The following CPNE4 variants were observed in gnomAD, a reference collection of about 807,000 sequenced individuals.
CPNE4 encodes the protein copine 4, also known as copine-4.
A neutral mutation model predicts 67.9 loss-of-function variants in CPNE4; 25 were observed. The ratio of observed to expected loss-of-function variants is 0.37; its 90% confidence interval spans 0.27 to 0.51. The LOEUF is 0.51. Among genes scored for constraint, CPNE4 ranks in the 20% least tolerant of loss-of-function variants. The pLI is 0.93. For missense variants in CPNE4, 464 were observed against 690.8 expected, an observed-to-expected ratio of 0.67 and a Z score of 3.68; for synonymous variants, 242 against 244.9, an observed-to-expected ratio of 0.99 and a Z score of 0.11.
chr3:132,029,368 A>G (rs2074189175), intron 1 of CPNE4, among the ~76,000 whole-genome samples: 1 of 151,998 alleles, frequency 6.6e-6, no homozygotes, highest in Non-Finnish European at 1.5e-5. Context: ...ACCTGAGAAA[A>G]CCAATATCCC....
intron 2 of CPNE4, among the ~76,000 whole-genome samples, chr3:131,752,778 C>A (rs1163800149): frequency 6.6e-6 from 1 of 151,964 alleles, no homozygotes. Flanking sequence ...GCAAATCATA[C>A]CAAGATTTTG....
At chr3:131,802,085 C>G (rs1272008483) in intron 2 of CPNE4, among the ~76,000 whole-genome samples, 1 of 151,964 alleles carries the variant, frequency 6.6e-6, no homozygotes, top group Non-Finnish European at 1.5e-5. Flanking sequence ...CAGAACATGA[C>G]CAGAAGGACT....
chr3:131,953,508 G>C (rs2071842921), intron 1 of CPNE4, among the ~76,000 whole-genome samples: 1 of 152,102 alleles, frequency 6.6e-6, no homozygotes, highest in Non-Finnish European at 1.5e-5. Flanking sequence ...ATGTTGATAG[G>C]ATATATCATA....
chr3:131,746,356 A>G (rs1278031653), intron 2 of CPNE4, among the ~76,000 whole-genome samples: 2 of 152,138 alleles, frequency 1.3e-5, no homozygotes, highest in Non-Finnish European at 2.9e-5. Context: ...ACCGTACAAT[A>G]AAACAGCAGA....
At chr3:131,666,817 C>T (rs561752001) in intron 7 of CPNE4, among the ~76,000 whole-genome samples, 9 of 152,012 alleles carry the variant, frequency 5.9e-5, no homozygotes, top group South Asian at 2.1e-4. Flanking sequence ...AAAAGGGGAG[C>T]GAGAACGAAC....
At chr3:131,774,237 G>C (rs1249274774) in intron 2 of CPNE4, among the ~76,000 whole-genome samples, 1 of 151,910 alleles carries the variant, frequency 6.6e-6, no homozygotes, top group Non-Finnish European at 1.5e-5. Context: ...GTCAGTGACT[G>C]ATTTAGAGAT....
rs1431688095 is a variant in CPNE4 at position 131,992,618 on chromosome 3, G to A, written c.-2+41949C>T. Among the ~76,000 whole-genome samples, 4 of 135,914 alleles carry A rather than the reference G, an allele frequency of 2.9e-5. 1 individual carries two copies. The highest frequency in any genetic ancestry group is 4.9e-5 in the African/African-American group (2 of 40,588). The allele number at this position is 135,914 out of a possible 152,430, so 89.2% of individuals were successfully genotyped here. A position where few individuals can be genotyped will look rare whatever the true frequency, so the allele number is the denominator to read the frequency against. The stretch of plus-strand genomic sequence containing the variant: ...ATGAGCTAAGACATGGGGGACTGTT[G>A]GAAAGGCATGATTGTGTTTTGAAAT... On this transcript the variant is annotated intron_variant, in intron 1 of 15. Coordinates refer to ENST00000429747, the MANE Select transcript of CPNE4 (RefSeq NM_130808.3).
chr3:132,001,603 G>GAAAGAAAGAAAGA (rs2073450086), intron 1 of CPNE4, among the ~76,000 whole-genome samples: 1 of 148,980 alleles, frequency 6.7e-6, no homozygotes, highest in East Asian at 2.0e-4. Context: ...AAGAAAGAAA[G>GAAAGAAAGAAAGA]AAAGAAAGAA....
chr3:132,008,093 C>T (rs752221175), intron 1 of CPNE4, among the ~76,000 whole-genome samples: 12 of 151,980 alleles, frequency 7.9e-5, no homozygotes, highest in South Asian at 2.1e-4. Context: ...AAATGTGGAA[C>T]GAATGAAAAG....
In CPNE4 at chr3:131,886,223, G is replaced by T. The variant is rs191992573; in HGVS notation, c.180+19041C>A. On this transcript the variant is annotated intron_variant, in intron 2 of 15. Transcript: ENST00000429747. ...CAGCTGCTCCAGCCGTGGCTGAAAG[G>T]GGCCAATGTGGAGCTTGGAATTCAA... is the stretch of plus-strand genomic sequence containing the variant. Among the ~76,000 whole-genome samples the T allele has an allele frequency of 1.5e-3, 224 of 152,338 alleles. 1 individual carries two copies. The highest frequency in any genetic ancestry group is 5.2e-3 in the African/African-American group (216 of 41,576).
intron 7 of CPNE4, among the ~76,000 whole-genome samples, chr3:131,618,786 G>C (rs1940304372): frequency 6.6e-6 from 1 of 152,114 alleles, no homozygotes; most frequent in Non-Finnish European, 1.5e-5. Flanking sequence ...AGAAGCAGAG[G>C]TCCCCATTCC....
chr3:131,561,287 G>T (rs1559899274), intron 11 of CPNE4, among the ~76,000 whole-genome samples: 1 of 151,966 alleles, frequency 6.6e-6, no homozygotes, highest in Non-Finnish European at 1.5e-5. Flanking sequence ...AGACTAGGGA[G>T]ACCAGGATAC....
Position 131,879,338 on chromosome 3 carries a change from C to T in CPNE4, c.180+25926G>A, listed in dbSNP as rs547792585. On this transcript the variant is annotated intron_variant, in intron 2 of 15. Transcript: ENST00000429747. ...AGTGTGTTTCCATTAATGACTTTTTCCCTAAGCTTCTCTATCCTTCCCCAA... is the reference window on the plus strand; with the variant it reads ...AGTGTGTTTCCATTAATGACTTTTTTCCTAAGCTTCTCTATCCTTCCCCAA... 2.0e-5 allele frequency among the ~76,000 whole-genome samples: 3 copies of T among 152,268 alleles called. No homozygotes were observed. The East Asian group carries it at 5.8e-4, about 29-fold the overall frequency.
intron 1 of CPNE4, among the ~76,000 whole-genome samples, chr3:131,999,241 T>TAAAAAAAAAAAA (rs79127364): frequency 0.012 from 1,230 of 98,660 alleles, 182 homozygotes; most frequent in African/African-American, 0.056. Flanking sequence ...TTATCCAAGG[T>TAAAAAAAAAAAA]AAAAAAAAAA....
At chr3:131,660,347 TCC>T (rs66913580) in intron 7 of CPNE4, among the ~76,000 whole-genome samples, 79,307 of 151,344 alleles carry the variant, frequency 0.52, 21,271 homozygotes, top group East Asian at 0.79. Flanking sequence ...AGAGGAGGGG[TCC>T]CATTAGCATC....
intron 1 of CPNE4, among the ~76,000 whole-genome samples, chr3:131,927,465 C>G (rs1017786095): frequency 6.8e-6 from 1 of 146,086 alleles, no homozygotes; most frequent in Admixed American, 6.9e-5. Context: ...TCATGTGGCT[C>G]AATTACTACT....
chr3:131,674,030 T>C (rs777707352), intron 6 of CPNE4, among the ~76,000 whole-genome samples: 1 of 152,064 alleles, frequency 6.6e-6, no homozygotes, highest in Non-Finnish European at 1.5e-5. Flanking sequence ...TGAAGGGATG[T>C]TGAATTGTAT....
intron 8 of CPNE4, among the ~76,000 whole-genome samples, chr3:131,583,621 G>A (rs1434569860): frequency 2.6e-5 from 4 of 152,180 alleles, no homozygotes; most frequent in Non-Finnish European, 5.9e-5. Flanking sequence ...GCTAAGATGA[G>A]CAAGTATGGG....
chr3:131,767,301 G>A (rs1339710706), intron 2 of CPNE4, among the ~76,000 whole-genome samples: 4 of 151,418 alleles, frequency 2.6e-5, no homozygotes, highest in African/African-American at 9.7e-5. Flanking sequence ...TAGATATTTA[G>A]GAAAAGATCT....
Sources: gnomAD v4.1 joint callset for allele counts (sites outside exome capture counted in the v4.1 genomes callset) on GRCh38, gnomAD v4.1.1 for gene constraint, MANE v1.5 for transcripts, NCBI Gene and HGNC (gene_info 2026-07-23, HGNC 2026-07-21) for gene names.